The following EML4 variants were observed in gnomAD, a reference collection of about 807,000 sequenced individuals.
EML4 encodes the protein EMAP like 4, also known as echinoderm microtubule-associated protein-like 4.
Under a neutral mutation model 129.0 loss-of-function variants are expected in EML4, and 72 were observed. The ratio of observed to expected loss-of-function variants is 0.56; its 90% CI spans 0.46 to 0.68. EML4 has a LOEUF of 0.68. EML4 is among the 30% of genes least tolerant of loss of function. EML4 has a pLI of 0.00. For synonymous variants in EML4, 532 were observed against 405.0 expected (o/e 1.31, Z -3.77); for missense variants, 1,363 against 1,190.6 (o/e 1.14, Z -2.13).
intron 13 of EML4, among the ~76,000 whole-genome samples, chr2:42,300,562 T>C (rs1206188962): frequency 2.0e-5 from 3 of 152,212 alleles, no homozygotes; most frequent in Non-Finnish European, 4.4e-5. Context: ...GAAATTATTC[T>C]CTGCTAGTAG....
chr2:42,203,428 G>T (rs1355304520), intron 1 of EML4, among the ~76,000 whole-genome samples: 1 of 151,992 alleles, frequency 6.6e-6, no homozygotes, highest in Non-Finnish European at 1.5e-5. Flanking sequence ...AATAAATTTG[G>T]TTTGTCATTT....
At chr2:42,254,263 T>A (rs1675978420) in intron 2 of EML4, among the ~76,000 whole-genome samples, 1 of 152,096 alleles carries the variant, frequency 6.6e-6, no homozygotes, top group African/African-American at 2.4e-5. Context: ...GAGACCAGCC[T>A]GGGCAATGTG....
rs563785623 is a variant in EML4, at chr2:42,311,206, A to G, written c.1968-4756A>G. 2.0e-4 allele frequency among the ~76,000 whole-genome samples: 31 copies of G among 152,344 alleles called. 1 individual carries two copies. The South Asian group carries it at 6.2e-3, about 31-fold the overall frequency. On this transcript the variant is annotated intron_variant, in intron 17 of 22. Coordinates refer to ENST00000318522, the MANE Select transcript of EML4 (RefSeq NM_019063.5). ...GGAGTGTCCAAAGAGATAAAATTACATAGTTTTCCTAGGAAGATTAAACTG... is the reference window on the plus strand; with the variant it reads ...GGAGTGTCCAAAGAGATAAAATTACGTAGTTTTCCTAGGAAGATTAAACTG...
chr2:42,236,807 C>G (rs1356265500), intron 1 of EML4, among the ~76,000 whole-genome samples: 1 of 152,040 alleles, frequency 6.6e-6, no homozygotes, highest in Admixed American at 6.6e-5. Flanking sequence ...CCCTCCATAT[C>G]TTTGGGAACA....
intron 2 of EML4, among the ~76,000 whole-genome samples, chr2:42,247,965 T>G (rs546712989): frequency 7.7e-4 from 117 of 152,278 alleles, no homozygotes; most frequent in African/African-American, 2.6e-3. Flanking sequence ...TATTCACATT[T>G]TTAAAAGCTT....
chr2:42,233,282 A>C (rs1383398746), intron 1 of EML4, among the ~76,000 whole-genome samples: 6 of 151,838 alleles, frequency 4.0e-5, no homozygotes, highest in Non-Finnish European at 8.8e-5. Flanking sequence ...AAAAAGAGAT[A>C]AATTGTTTGT....
At chr2:42,273,423 ACAT>A (rs1666483036) in intron 6 of EML4, among the ~76,000 whole-genome samples, 3 of 152,318 alleles carry the variant, frequency 2.0e-5, no homozygotes, top group African/African-American at 7.2e-5. Flanking sequence ...TGTAAACAAA[ACAT>A]CAAGAGAAAT....
intron 13 of EML4, among the ~76,000 whole-genome samples, chr2:42,298,864 A>G (rs1001672279): frequency 7.2e-5 from 11 of 152,174 alleles, no homozygotes; most frequent in Non-Finnish European, 1.5e-4. Flanking sequence ...GTGTTTTCTT[A>G]CATGATACCT....
intron 1 of EML4, among the ~76,000 whole-genome samples, chr2:42,184,436 C>G (rs1671127369): frequency 7.1e-6 from 1 of 140,874 alleles, no homozygotes; most frequent in African/African-American, 2.7e-5. Context: ...TTCATTGTCA[C>G]TCCCTGGTTT....
chr2:42,187,282 A>G (rs1009475958), intron 1 of EML4, among the ~76,000 whole-genome samples: 1 of 151,918 alleles, frequency 6.6e-6, no homozygotes, highest in African/African-American at 2.4e-5. Context: ...CTCTGGGCTC[A>G]AGTGATCTGC....
chr2:42,282,410 G>A (rs574267064), intron 7 of EML4, among the ~76,000 whole-genome samples: 8 of 151,328 alleles, frequency 5.3e-5, no homozygotes, highest in East Asian at 3.9e-4. Flanking sequence ...GGGGGTGGGC[G>A]GCAACAGGGT....
intron 1 of EML4, among the ~76,000 whole-genome samples, chr2:42,202,305 C>G (rs1672280947): frequency 6.6e-6 from 1 of 151,794 alleles, no homozygotes; most frequent in South Asian, 2.1e-4. Flanking sequence ...CTTTGGGAGG[C>G]CAAGGTAGAA....
intron 1 of EML4, among the ~76,000 whole-genome samples, chr2:42,174,304 TGTGTCTGACG>T (rs1336350520): frequency 6.6e-6 from 1 of 152,180 alleles, no homozygotes; most frequent in Non-Finnish European, 1.5e-5. Flanking sequence ...TTTGTGTGTG[TGTGTCTGACG>T]GAGTCTTGCT....
At chr2:42,183,382 A>G (rs78986205) in intron 1 of EML4, among the ~76,000 whole-genome samples, 3 of 152,254 alleles carry the variant, frequency 2.0e-5, no homozygotes, top group South Asian at 2.1e-4. Flanking sequence ...TGATGTGTAC[A>G]TTGTCGGTTT....
In EML4 at chr2:42,263,202, A is replaced by G; in HGVS notation, c.537A>G (p.Glu179=). ...TKSIKRPSPA[E]KSHNSWENSD... ...GCATAAAACGACCATCACCAGCTGAAAAGTCACATAATTCTTGGGAAAATT... is the reference window on the plus strand; with the variant it reads ...GCATAAAACGACCATCACCAGCTGAGAAGTCACATAATTCTTGGGAAAATT... The change falls in exon 5 of 23, where the codon GAA becomes GAG. Residue 179 remains glutamate (E), a synonymous_variant. Transcript: ENST00000318522. 1 of 1,612,788 alleles carries G rather than the reference A, an allele frequency of 6.2e-7. No homozygotes were observed. Among genetic ancestry groups the G allele is most frequent in the Non-Finnish European group, 8.5e-7 (1 of 1,179,564 alleles).
intron 1 of EML4, among the ~76,000 whole-genome samples, chr2:42,240,393 T>C (rs1374866289): frequency 6.6e-6 from 1 of 152,246 alleles, no homozygotes; most frequent in Non-Finnish European, 1.5e-5. Context: ...ATGTGTGTAC[T>C]TCACAACTTC....
chr2:42,327,755 A>AGAAGT (rs1428319238), intron 21 of EML4, among the ~76,000 whole-genome samples: 1 of 152,250 alleles, frequency 6.6e-6, no homozygotes, highest in Non-Finnish European at 1.5e-5. Flanking sequence ...AGAATTAAAA[A>AGAAGT]GAAGTGTTAT....
chr2:42,206,155 A>G (rs1672526923), intron 1 of EML4, among the ~76,000 whole-genome samples: 1 of 152,208 alleles, frequency 6.6e-6, no homozygotes, highest in African/African-American at 2.4e-5. Context: ...TTTGTTCCAT[A>G]TAGCATTCCC....
intron 6 of EML4, among the ~76,000 whole-genome samples, chr2:42,270,179 C>CTTT (rs906374934): frequency 2.6e-5 from 4 of 152,148 alleles, no homozygotes; most frequent in African/African-American, 9.7e-5. Flanking sequence ...TTTCTGAAAG[C>CTTT]TTTTTCTTGG....
Sources: allele counts gnomAD v4.1 joint callset (sites outside exome capture counted in the v4.1 genomes callset), GRCh38; gene constraint gnomAD v4.1.1; transcripts MANE v1.5; gene names NCBI Gene and HGNC (gene_info 2026-07-23, HGNC 2026-07-21).